The following GXYLT2 variants were observed in gnomAD, a reference collection of about 807,000 sequenced individuals.
The protein encoded by GXYLT2 is glycosyltransferase 8 domain containing 4.
GXYLT2 carries 53 observed loss-of-function variants against 45.8 expected under a neutral mutation model. That is an observed-to-expected ratio of 1.16 (90% CI 0.93 to 1.46). The LOEUF (loss-of-function observed/expected upper bound fraction) is 1.46. Among genes scored for constraint, GXYLT2 ranks in the 40% most tolerant of loss-of-function variants. The pLI, the probability that GXYLT2 is intolerant of heterozygous loss-of-function variation, is 0.00. For synonymous variants in GXYLT2, 219 were observed against 214.2 expected (o/e 1.02, Z -0.19); for missense variants, 551 against 544.4 (o/e 1.01, Z -0.12).
chr3:72,927,368 T>C (rs1328658178), intron 3 of GXYLT2: 1 of 152,246 alleles, frequency 6.6e-6, no homozygotes, highest in African/African-American at 2.4e-5. Context: ...CTTTATTTTA[T>C]GTAGTGAAAG....
intron 3 of GXYLT2, among the ~76,000 whole-genome samples, chr3:72,928,413 A>C (rs1392847975): frequency 2.0e-5 from 3 of 152,198 alleles, no homozygotes; most frequent in Admixed American, 2.0e-4. Flanking sequence ...CCTGAAGTTC[A>C]TTCAAGAACA....
intron 2 of GXYLT2, among the ~76,000 whole-genome samples, chr3:72,920,024 G>A (rs1172686206): frequency 6.6e-6 from 1 of 152,170 alleles, no homozygotes; most frequent in East Asian, 1.9e-4. Context: ...AGGGGAAACT[G>A]TAGGGGAGGG....
At chr3:72,905,278 C>T (rs1709490693) in intron 1 of GXYLT2, among the ~76,000 whole-genome samples, 1 of 151,892 alleles carries the variant, frequency 6.6e-6, no homozygotes, top group Non-Finnish European at 1.5e-5. Context: ...CCACCACAAC[C>T]AGCTAATTTT....
At chr3:72,901,108 A>G (rs1709395814) in intron 1 of GXYLT2, among the ~76,000 whole-genome samples, 1 of 152,036 alleles carries the variant, frequency 6.6e-6, no homozygotes, top group East Asian at 1.9e-4. Flanking sequence ...GATCAATATG[A>G]TGAAACCCCG....
intron 1 of GXYLT2, among the ~76,000 whole-genome samples, chr3:72,889,770 C>T (rs1433914196): frequency 6.6e-6 from 1 of 152,160 alleles, no homozygotes; most frequent in Non-Finnish European, 1.5e-5. Flanking sequence ...TCATCCTTAA[C>T]ATCGCTAACC....
rs552367763 is a variant in GXYLT2, at chr3:72,901,807, C to T, written c.276-6560C>T. 1.6e-3 allele frequency among the ~76,000 whole-genome samples: 249 copies of T among 151,874 alleles called. 2 individuals carry two copies. The highest frequency in any genetic ancestry group is 3.4e-3 in the Middle Eastern group (1 of 294). On this transcript the variant is annotated intron_variant, in intron 1 of 6. Transcript: ENST00000389617. Reference sequence around the variant, plus strand: ...AACTACTGACCTCAAGTGATCCGCCCGCCTCAGCCTCCCAAAGTGCTGGGA... The same window carrying T: ...AACTACTGACCTCAAGTGATCCGCCTGCCTCAGCCTCCCAAAGTGCTGGGA...
chr3:72,896,841 C>T (rs1575774401), intron 1 of GXYLT2, among the ~76,000 whole-genome samples: 3 of 147,838 alleles, frequency 2.0e-5, no homozygotes, highest in South Asian at 2.1e-4. Context: ...CAGAGTGAGA[C>T]CTTGTCTCAC....
intron 4 of GXYLT2, among the ~76,000 whole-genome samples, 153 bp downstream of exon 4, chr3:72,955,502 GA>G (rs1317308616): frequency 6.6e-6 from 1 of 152,150 alleles, no homozygotes; most frequent in Admixed American, 6.6e-5. Context: ...GAAAATTATA[GA>G]ATATTTGTTT....
chr3:72,897,164 G>A (rs1418913469), intron 1 of GXYLT2, among the ~76,000 whole-genome samples: 1 of 152,176 alleles, frequency 6.6e-6, no homozygotes, highest in Non-Finnish European at 1.5e-5. Context: ...AACTCTTTCA[G>A]TTGCACGTGA....
chr3:72,909,174 T>A (rs1433446707), intron 2 of GXYLT2, among the ~76,000 whole-genome samples: 1 of 148,868 alleles, frequency 6.7e-6, no homozygotes, highest in Admixed American at 6.7e-5. Context: ...GTTCAAGCGA[T>A]TCTTCTGCCT....
chr3:72,940,804 C>T (rs531104431), intron 3 of GXYLT2, among the ~76,000 whole-genome samples: 1 of 152,244 alleles, frequency 6.6e-6, no homozygotes, highest in East Asian at 1.9e-4. Context: ...GTCTCAGCCT[C>T]CTGAGTAGCT....
intron 5 of GXYLT2, among the ~76,000 whole-genome samples, chr3:72,957,650 G>T (rs1455048523): frequency 6.6e-6 from 1 of 152,168 alleles, no homozygotes; most frequent in African/African-American, 2.4e-5. Context: ...ATTGATGTGA[G>T]GCGTGAAACT....
In GXYLT2 at chr3:72,916,322, A is replaced by G. The variant is rs542090401; in HGVS notation, c.469-5882A>G. On this transcript the variant is annotated intron_variant, in intron 2 of 6. Transcript: ENST00000389617. The stretch of plus-strand genomic sequence containing the variant: ...CAAGAAACAAACTTTAGGAAAAAAA[A>G]AAAAGAAAAGAAAAACACCTTAAAA... 1.9e-3 allele frequency among the ~76,000 whole-genome samples: 294 copies of G among 151,646 alleles called. 5 individuals carry two copies. In the South Asian group the frequency reaches 0.029, roughly 15 times the overall value.
At chr3:72,894,395 C>T (rs1709241836) in intron 1 of GXYLT2, among the ~76,000 whole-genome samples, 1 of 152,204 alleles carries the variant, frequency 6.6e-6, no homozygotes, top group Non-Finnish European at 1.5e-5. Context: ...TGAGCATCCA[C>T]CACACCCTAG....
intron 1 of GXYLT2, among the ~76,000 whole-genome samples, chr3:72,893,521 G>A (rs180861028): frequency 9.6e-4 from 146 of 152,190 alleles, no homozygotes; most frequent in South Asian, 1.9e-3. Context: ...AATATTGTAT[G>A]TTATTTGCTC....
chr3:72,927,701 C>G (rs1709944975), intron 3 of GXYLT2, among the ~76,000 whole-genome samples: 1 of 152,036 alleles, frequency 6.6e-6, no homozygotes, highest in African/African-American at 2.4e-5. Context: ...TTAGAATCAC[C>G]ATAAATGATG....
intron 3 of GXYLT2, among the ~76,000 whole-genome samples, chr3:72,943,138 A>ATG (rs778512029): frequency 3.3e-5 from 5 of 152,146 alleles, no homozygotes; most frequent in African/African-American, 4.8e-5. Context: ...ACCCAAAGAG[A>ATG]TGTGTGTTTC....
At chr3:72,963,591 A>G (rs527680930) in intron 5 of GXYLT2, among the ~76,000 whole-genome samples, 1 of 147,282 alleles carries the variant, frequency 6.8e-6, no homozygotes, top group East Asian at 2.0e-4. Context: ...CAACCTCCAC[A>G]TCCTGGGCTC....
chr3:72,966,130 C>T (rs892178337), intron 5 of GXYLT2, among the ~76,000 whole-genome samples: 3 of 152,000 alleles, frequency 2.0e-5, no homozygotes, highest in Non-Finnish European at 4.4e-5. Context: ...AGGCTCCTGC[C>T]TCCATGCCTG....
Sources: gnomAD v4.1 joint callset for allele counts (sites outside exome capture counted in the v4.1 genomes callset) on GRCh38, gnomAD v4.1.1 for gene constraint, MANE v1.5 for transcripts, NCBI Gene and HGNC (gene_info 2026-07-23, HGNC 2026-07-21) for gene names.